The following KCMF1 variants were observed in gnomAD, a reference collection of about 807,000 sequenced individuals.
KCMF1 encodes the protein E3 ubiquitin-protein ligase KCMF1.
Under a neutral mutation model 41.1 loss-of-function variants are expected in KCMF1, and 3 were observed. The ratio of observed to expected loss-of-function variants is 0.07; its 90% CI spans 0.03 to 0.19. The LOEUF (loss-of-function observed/expected upper bound fraction) is 0.19. Among genes scored for constraint, KCMF1 ranks in the 10% least tolerant of loss-of-function variants. KCMF1 has a pLI of 1.00. For missense variants in KCMF1, 286 were observed against 488.9 expected (o/e 0.58, Z 3.91); for synonymous variants, 142 against 164.5 (o/e 0.86, Z 1.04).
intron 3 of KCMF1, 100 bp downstream of exon 3, chr2:85,035,255 G>A (rs1675380650): frequency 5.2e-6 from 5 of 965,740 alleles, no homozygotes; most frequent in Non-Finnish European, 6.0e-6. Context: ...CCTGCTCAGT[G>A]TAATGATACC....
At chr2:85,028,280 T>C (rs2104029335) in intron 2 of KCMF1, among the ~76,000 whole-genome samples, 1 of 152,116 alleles carries the variant, frequency 6.6e-6, no homozygotes, top group African/African-American at 2.4e-5. Flanking sequence ...CCTCCCTGGT[T>C]CAAGCAATTC....
At chr2:85,017,165 CA>C (rs1674792433) in intron 1 of KCMF1, among the ~76,000 whole-genome samples, 1 of 151,716 alleles carries the variant, frequency 6.6e-6, no homozygotes, top group African/African-American at 2.4e-5. Flanking sequence ...GCTGGGACTA[CA>C]GGCGCCCGCC....
rs1388359613 is a variant in KCMF1, at chr2:85,046,223, T to C, written c.546T>C (p.Ser182=). The C allele has an allele frequency of 6.2e-7, 1 of 1,613,442 alleles. No individual in the cohort carries two copies. The highest frequency in any genetic ancestry group is 1.1e-5 in the South Asian group (1 of 90,960). The change falls in exon 5 of 7, where the codon TCT becomes TCC. Residue 182 remains serine, a synonymous_variant. Coordinates refer to ENST00000409785, the MANE Select transcript of KCMF1 (RefSeq NM_020122.5). ...HFTSSSTGGL[S]SSQSSYSPSN... is the part of the protein sequence containing the mutation. ...CTAGCAGTTCTACTGGTGGACTTTC[T>C]TCTTCTCAGAGTTCATATTCTCCAA...
At chr2:85,015,212 C>G (rs536297437) in intron 1 of KCMF1, among the ~76,000 whole-genome samples, 126 of 150,082 alleles carry the variant, frequency 8.4e-4, no homozygotes, top group African/African-American at 3.0e-3. Flanking sequence ...CCCCCGCTTT[C>G]CCTTCTCTCT....
intron 1 of KCMF1, among the ~76,000 whole-genome samples, chr2:84,984,203 C>T (rs1390564810): frequency 6.6e-6 from 1 of 151,470 alleles, no homozygotes; most frequent in Non-Finnish European, 1.5e-5. Flanking sequence ...CCCATCTTCA[C>T]AAAATAAGTA....
chr2:84,977,093 A>C (rs1371844637), intron 1 of KCMF1, among the ~76,000 whole-genome samples: 1 of 151,948 alleles, frequency 6.6e-6, no homozygotes, highest in Admixed American at 6.6e-5. Flanking sequence ...GGCTTACTGC[A>C]ACCTCCATCT....
At chr2:85,023,264 T>A (rs1172317884) in intron 1 of KCMF1, among the ~76,000 whole-genome samples, 1 of 152,062 alleles carries the variant, frequency 6.6e-6, no homozygotes, top group African/African-American at 2.4e-5. Flanking sequence ...ATTCATTCTT[T>A]TTCCAATTCA....
intron 1 of KCMF1, among the ~76,000 whole-genome samples, chr2:84,973,093 C>CTT (rs1673445075): frequency 6.6e-6 from 1 of 152,196 alleles, no homozygotes; most frequent in Non-Finnish European, 1.5e-5. Context: ...CATTGACCAC[C>CTT]TTCAAGACAA....
At position 85,012,063 on chromosome 2, in the gene KCMF1, G is replaced by A. The variant is rs184217556; in HGVS notation, c.17-15826G>A. ...TAACCATCGACCAACTTTACTTCAAGTGTTCTTGAAATGTAGAGGAAGGGC... is the reference window on the plus strand; with the variant it reads ...TAACCATCGACCAACTTTACTTCAAATGTTCTTGAAATGTAGAGGAAGGGC... On this transcript the variant is annotated intron_variant, in intron 1 of 6. Transcript: ENST00000409785. Among the ~76,000 whole-genome samples the A allele has an allele frequency of 2.3e-3, 356 of 152,308 alleles. 1 individual carries two copies. The highest frequency in any genetic ancestry group is 8.2e-3 in the African/African-American group (342 of 41,560).
At chr2:85,034,924 C>A in intron 2 of KCMF1, 92 bp from the exon 3 acceptor site, 1 of 1,128,900 alleles carries the variant, frequency 8.9e-7, no homozygotes, top group Non-Finnish European at 1.2e-6. Context: ...TCCTGGCCCA[C>A]ACTTTCTTTT....
chr2:85,029,757 C>T (rs1675219694), intron 2 of KCMF1, among the ~76,000 whole-genome samples: 1 of 148,326 alleles, frequency 6.7e-6, no homozygotes, highest in South Asian at 2.1e-4. Flanking sequence ...TCTCAGCTCA[C>T]TGCAACCTCC....
chr2:85,033,362 GTC>G (rs1290386916), intron 2 of KCMF1, among the ~76,000 whole-genome samples: 1 of 151,980 alleles, frequency 6.6e-6, no homozygotes, highest in African/African-American at 2.4e-5. Flanking sequence ...TTATGTTTCT[GTC>G]TCTCTGTTTT....
Position 85,027,947 on chromosome 2 carries a change from A to G in KCMF1, c.75A>G (p.Leu25=), listed in dbSNP as rs1675153969. 1 of 1,612,746 alleles carries G rather than the reference A, an allele frequency of 6.2e-7. No homozygotes were observed. The highest frequency in any genetic ancestry group is 1.7e-5 in the Admixed American group (1 of 59,958). Residue 25 remains leucine, a synonymous_variant, in exon 2 of 7, where the codon TTA becomes TTG. Transcript: ENST00000409785. The part of the protein sequence containing the change: ...GNFRGRRYKC[L]ICYDYDLCAS... The stretch of plus-strand genomic sequence containing the variant: ...TTCGAGGTCGCAGATATAAGTGTTT[A>G]ATTTGCTACGATTACGATCTTTGTG...
Position 84,981,510 on chromosome 2 carries a change from T to G in KCMF1, c.16+10043T>G, listed in dbSNP as rs545064963. ...GGCCTTTTCTGTTGAATTTTAATGT[T>G]TTTTTAATCTCTTTTGCTGGTACTC... On this transcript the variant is annotated intron_variant, in intron 1 of 6. Coordinates refer to ENST00000409785, the MANE Select transcript of KCMF1 (RefSeq NM_020122.5). Among the ~76,000 whole-genome samples, 30 of 152,174 alleles carry G rather than the reference T, an allele frequency of 2.0e-4. No individual in the cohort carries two copies. The South Asian group carries it at 6.2e-3, about 32-fold the overall frequency.
chr2:85,008,104 C>G (rs113459827), intron 1 of KCMF1, among the ~76,000 whole-genome samples: 7 of 151,400 alleles, frequency 4.6e-5, no homozygotes, highest in African/African-American at 1.7e-4. Flanking sequence ...ACCAAGTTAG[C>G]AATTACTGAA....
intron 6 of KCMF1, among the ~76,000 whole-genome samples, chr2:85,052,913 T>TC (rs1574046445): frequency 6.6e-6 from 1 of 152,300 alleles, no homozygotes; most frequent in East Asian, 1.9e-4. Flanking sequence ...TCTTTTTTTT[T>TC]CTCATTGAGT....
intron 1 of KCMF1, among the ~76,000 whole-genome samples, chr2:84,994,962 A>G (rs1175034680): frequency 6.6e-6 from 1 of 151,992 alleles, no homozygotes; most frequent in Non-Finnish European, 1.5e-5. Flanking sequence ...CATTCTTTTC[A>G]TCGCCTGTAT....
intron 1 of KCMF1, among the ~76,000 whole-genome samples, chr2:84,995,295 C>T (rs1674149641): frequency 6.6e-6 from 1 of 152,198 alleles, no homozygotes. Context: ...GCTGGGATTA[C>T]AGGTGTGAGC....
chr2:85,026,489 ATTATTATTT>A lies in KCMF1; in HGVS notation c.17-1394_17-1386del, dbSNP rs1373504230. Among the ~76,000 whole-genome samples, 29 of 141,860 alleles carry A rather than the reference ATTATTATTT, an allele frequency of 2.0e-4. 1 individual carries two copies. Among genetic ancestry groups the A allele is most frequent in the Admixed American group, 9.8e-4 (14 of 14,358 alleles). The allele number at this position is 141,860 out of a possible 152,430, so 93.1% of individuals were successfully genotyped here. A position where few individuals can be genotyped will look rare whatever the true frequency, so the allele number is the denominator to read the frequency against. On this transcript the variant is annotated intron_variant, in intron 1 of 6. Transcript: ENST00000409785. ...TATTATTATTATTATTATTATTATT[ATTATTATTT>A]TTATTTTTTCCAGACAGGGTCTTGT...
Sources: allele counts gnomAD v4.1 joint callset (sites outside exome capture counted in the v4.1 genomes callset), GRCh38; gene constraint gnomAD v4.1.1; transcripts MANE v1.5; gene names NCBI Gene and HGNC (gene_info 2026-07-23, HGNC 2026-07-21).